Variants in INVS observed in about 807,000 individuals in gnomAD.
INVS encodes inversin.
INVS carries 86 observed loss-of-function variants against 108.8 expected under a neutral mutation model. The observed-to-expected ratio is 0.79, with a 90% CI of 0.66 to 0.95. The LOEUF (loss-of-function observed/expected upper bound fraction) is 0.95. INVS is among the 40% of genes least tolerant of loss of function. The probability of loss-of-function intolerance (pLI) is 0.00; values close to 1 mark genes in which losing one functional copy is unlikely to be tolerated. For missense variants in INVS, 1,169 were observed against 1,297.4 expected, an observed-to-expected ratio of 0.90 and a Z score of 1.52; for synonymous variants, 455 against 473.5, an observed-to-expected ratio of 0.96 and a Z score of 0.51.
At chr9:100,100,756 TATATATAATATATGTATATATA>T (rs1826858975) in intron 1 of INVS, among the ~76,000 whole-genome samples, 2 of 37,156 alleles carry the variant, frequency 5.4e-5, no homozygotes, top group Non-Finnish European at 4.4e-5. Flanking sequence ...GTACATATAA[TATATATAATATATGTATATATA>T]ATATATATTA....
At chr9:100,233,582 G>A (rs1016290874) in intron 5 of INVS, among the ~76,000 whole-genome samples, 3 of 152,094 alleles carry the variant, frequency 2.0e-5, no homozygotes, top group African/African-American at 4.8e-5. Context: ...AGCATGAAGC[G>A]GTGTTGAATG....
intron 1 of INVS, chr9:100,101,729 G>C (rs563399476): frequency 1.3e-5 from 2 of 152,288 alleles, no homozygotes; most frequent in Admixed American, 1.3e-4. Flanking sequence ...AACAGCGATT[G>C]GCGTGACCTG....
intron 2 of INVS, among the ~76,000 whole-genome samples, chr9:100,124,403 A>C (rs907602347): frequency 2.0e-5 from 3 of 152,042 alleles, no homozygotes; most frequent in African/African-American, 7.2e-5. Flanking sequence ...CTTTGCTTTC[A>C]ATCATCGAAA....
chr9:100,139,000 C>G (rs1828331768), intron 3 of INVS, among the ~76,000 whole-genome samples: 1 of 152,166 alleles, frequency 6.6e-6, no homozygotes, highest in Non-Finnish European at 1.5e-5. Context: ...GCCACCGCGC[C>G]CGGCCTTATT....
chr9:100,243,067 T>C (rs1200509109), intron 7 of INVS, among the ~76,000 whole-genome samples: 1 of 152,220 alleles, frequency 6.6e-6, no homozygotes, highest in Non-Finnish European at 1.5e-5. Context: ...GTTAGTCACA[T>C]CTGAAGTTTT....
chr9:100,200,599 A>G (rs907859165), intron 3 of INVS, among the ~76,000 whole-genome samples: 21 of 152,308 alleles, frequency 1.4e-4, no homozygotes, highest in Admixed American at 3.9e-4. Flanking sequence ...GAAGTCTGAA[A>G]TATGTACTAA....
intron 3 of INVS, among the ~76,000 whole-genome samples, chr9:100,179,723 A>G (rs1829823254): frequency 6.6e-6 from 1 of 152,184 alleles, no homozygotes; most frequent in Non-Finnish European, 1.5e-5. Flanking sequence ...TGTCAATATT[A>G]GAAAGATCAA....
intron 10 of INVS, among the ~76,000 whole-genome samples, chr9:100,255,876 T>G (rs1290992212): frequency 6.6e-6 from 1 of 152,180 alleles, no homozygotes; most frequent in Non-Finnish European, 1.5e-5. Context: ...TAAAATTCTC[T>G]TTTTTTGTTG....
chr9:100,203,339 C>A (rs189003770), intron 3 of INVS, among the ~76,000 whole-genome samples: 9 of 152,040 alleles, frequency 5.9e-5, no homozygotes, highest in African/African-American at 1.9e-4. Context: ...TAACTGTAGT[C>A]TCGGGTAACT....
At chr9:100,219,455 CA>C (rs1831079673) in intron 3 of INVS, among the ~76,000 whole-genome samples, 1 of 152,022 alleles carries the variant, frequency 6.6e-6, no homozygotes, top group Admixed American at 6.6e-5. Context: ...AAAAACAAAA[CA>C]AAAAACTGTA....
At chr9:100,246,323 GTTTCCAAGCTTGA>G (rs949907166) in intron 7 of INVS, among the ~76,000 whole-genome samples, 12 of 152,170 alleles carry the variant, frequency 7.9e-5, no homozygotes, top group African/African-American at 2.9e-4. Flanking sequence ...GACCTATAAA[GTTTCCAAGCTTGA>G]TTGAAGATGA....
intron 2 of INVS, chr9:100,117,007 C>G: frequency 6.6e-7 from 1 of 1,518,432 alleles, no homozygotes; most frequent in Admixed American, 1.7e-5. Context: ...GCTTCTTGGG[C>G]ACAGGCGCCG....
intron 16 of INVS, 23 bp from the exon 17 acceptor site, chr9:100,300,545 T>C (rs746186426): frequency 2.1e-6 from 3 of 1,397,324 alleles, no homozygotes; most frequent in South Asian, 2.3e-5. Flanking sequence ...CCTTAATATC[T>C]ATCTGGTATT....
Position 100,175,912 on chromosome 9 carries a change from T to G in INVS, c.273+49363T>G. ...TCCTGCATGCGGTTCCAGCAAATTC[T>G]TCTCTCAGTGACTTGGAGGCTGCCT... is the stretch of plus-strand genomic sequence containing the variant. On this transcript the variant is annotated intron_variant, in intron 3 of 16. Coordinates refer to ENST00000262457, the MANE Select transcript of INVS (RefSeq NM_014425.5). 1.0e-5 allele frequency: 6 copies of G among 587,264 alleles called. 1 individual carries two copies. Among genetic ancestry groups the G allele is most frequent in the South Asian group, 8.2e-5 (6 of 72,986 alleles). The allele number at this position is 587,264 out of a possible 1,614,324, so 36.4% of individuals were successfully genotyped here.
chr9:100,129,238 T>C (rs1313944745), intron 3 of INVS, among the ~76,000 whole-genome samples: 2 of 151,786 alleles, frequency 1.3e-5, no homozygotes, highest in Non-Finnish European at 2.9e-5. Context: ...TCTTAGGACT[T>C]TGGGAGGCCA....
chr9:100,157,474 G>A (rs1829034566), intron 3 of INVS, among the ~76,000 whole-genome samples: 1 of 151,886 alleles, frequency 6.6e-6, no homozygotes, highest in Non-Finnish European at 1.5e-5. Flanking sequence ...CACCGTGTTA[G>A]CCAGGATGGT....
chr9:100,160,174 T>C (rs1472826286), intron 3 of INVS, among the ~76,000 whole-genome samples: 2 of 152,174 alleles, frequency 1.3e-5, no homozygotes, highest in African/African-American at 2.4e-5. Context: ...CATATTCTGT[T>C]CCACTCTCTA....
chr9:100,138,422 A>G (rs2118937086), intron 3 of INVS, among the ~76,000 whole-genome samples: 1 of 152,060 alleles, frequency 6.6e-6, no homozygotes, highest in South Asian at 2.1e-4. Flanking sequence ...AAAATTTTAT[A>G]TATATATATA....
At chr9:100,220,968 C>G (rs1272042374) in intron 3 of INVS, among the ~76,000 whole-genome samples, 2 of 117,226 alleles carry the variant, frequency 1.7e-5, no homozygotes, top group African/African-American at 7.1e-5. Flanking sequence ...GAGCAAGACT[C>G]TGTCCCAAAA....
Sources: gnomAD v4.1 joint callset for allele counts (sites outside exome capture counted in the v4.1 genomes callset) on GRCh38, gnomAD v4.1.1 for gene constraint, MANE v1.5 for transcripts, NCBI Gene and HGNC (gene_info 2026-07-23, HGNC 2026-07-21) for gene names.